MPP7: variants seen among roughly 807,000 people sequenced by gnomAD.
The protein encoded by MPP7 is MAGUK p55 scaffold protein 7, also known as MAGUK p55 subfamily member 7.
A neutral mutation model predicts 76.5 loss-of-function variants in MPP7; 60 were observed. The observed-to-expected ratio is 0.78, with a 90% confidence interval of 0.64 to 0.97. The LOEUF (loss-of-function observed/expected upper bound fraction) is 0.97. Ranked by LOEUF, MPP7 falls within the 50% of genes least tolerant of loss-of-function variation. The pLI is 0.00. For synonymous variants in MPP7, 237 were observed against 244.5 expected, an observed-to-expected ratio of 0.97 and a Z score of 0.29; for missense variants, 641 against 694.0, an observed-to-expected ratio of 0.92 and a Z score of 0.86.
chr10:28,171,004 CA>C (rs1836661723), intron 3 of MPP7, among the ~76,000 whole-genome samples: 1 of 152,170 alleles, frequency 6.6e-6, no homozygotes, highest in South Asian at 2.1e-4. Context: ...TAGCTTTATA[CA>C]ACTTTAGCAT....
intron 2 of MPP7, among the ~76,000 whole-genome samples, chr10:28,230,446 G>GA (rs1000191891): frequency 5.3e-5 from 8 of 150,470 alleles, no homozygotes; most frequent in South Asian, 4.2e-4. Context: ...AGTGCTAACA[G>GA]AAAAAAAAAG....
intron 12 of MPP7, among the ~76,000 whole-genome samples, chr10:28,076,513 A>G (rs1366381450): frequency 6.6e-6 from 1 of 151,802 alleles, no homozygotes; most frequent in East Asian, 1.9e-4. Flanking sequence ...ACGCAAACCC[A>G]ATTATATATG....
At chr10:28,301,193 C>T (rs927987452) in intron 1 of MPP7, among the ~76,000 whole-genome samples, 1 of 151,998 alleles carries the variant, frequency 6.6e-6, no homozygotes, top group African/African-American at 2.4e-5. Context: ...AAACACTTCC[C>T]GAAACAAAGT....
intron 12 of MPP7, among the ~76,000 whole-genome samples, chr10:28,087,448 T>A (rs940366687): frequency 6.6e-6 from 1 of 152,036 alleles, no homozygotes; most frequent in Non-Finnish European, 1.5e-5. Context: ...CCGGCTGGAG[T>A]ACCGTGATGC....
At chr10:28,126,958 T>C (rs1835036427) in intron 6 of MPP7, among the ~76,000 whole-genome samples, 1 of 152,064 alleles carries the variant, frequency 6.6e-6, no homozygotes, top group Admixed American at 6.5e-5. Flanking sequence ...GTAACAGTTG[T>C]GTAAATGAAG....
chr10:28,187,447 C>T (rs773117533), intron 3 of MPP7, among the ~76,000 whole-genome samples: 1 of 152,186 alleles, frequency 6.6e-6, no homozygotes, highest in African/African-American at 2.4e-5. Context: ...GGCCAAGGAG[C>T]GTTACCAGCT....
intron 3 of MPP7, among the ~76,000 whole-genome samples, chr10:28,165,067 A>G (rs866626077): frequency 6.6e-6 from 1 of 152,102 alleles, no homozygotes; most frequent in African/African-American, 2.4e-5. Context: ...ACTAATACCT[A>G]TGGCTCCAAA....
intron 1 of MPP7, among the ~76,000 whole-genome samples, chr10:28,258,385 TATA>T (rs1839852783): frequency 1.2e-5 from 1 of 86,956 alleles, no homozygotes; most frequent in Non-Finnish European, 2.0e-5. Context: ...TTAAATATTA[TATA>T]TATATATATA....
chr10:28,160,115 A>G (rs80125665), intron 3 of MPP7, among the ~76,000 whole-genome samples: 4 of 1,472 alleles, frequency 2.7e-3, no homozygotes, highest in Admixed American at 0.022. Context: ...GATCATTAGA[A>G]AAAAAAAAAA....
intron 2 of MPP7, among the ~76,000 whole-genome samples, chr10:28,205,965 T>G (rs931617868): frequency 1.3e-5 from 2 of 152,188 alleles, no homozygotes; most frequent in African/African-American, 2.4e-5. Flanking sequence ...TGAGTCAGTC[T>G]TCTTCTCCCT....
chr10:28,297,908 G>T (rs1338655905), intron 1 of MPP7, among the ~76,000 whole-genome samples: 1 of 152,150 alleles, frequency 6.6e-6, no homozygotes, highest in African/African-American at 2.4e-5. Context: ...TCTTCACCAA[G>T]AATAGACTCT....
Position 28,149,234 on chromosome 10 carries a change from A to G in MPP7, c.234+748T>C, listed in dbSNP as rs375099519. The stretch of plus-strand genomic sequence containing the variant: ...AAAAAATAAAGGAAAGAAATATTAA[A>G]AGCAACAAATAAGCTACGGGTTATC... On this transcript the variant is annotated intron_variant, in intron 4 of 16. Coordinates refer to ENST00000683449, the MANE Select transcript of MPP7 (RefSeq NM_001318170.2). Among the ~76,000 whole-genome samples the G allele has an allele frequency of 5.9e-5, 9 of 152,332 alleles. No homozygotes were observed. In the East Asian group the frequency reaches 1.7e-3, roughly 29 times the overall value.
intron 13 of MPP7, among the ~76,000 whole-genome samples, chr10:28,064,471 G>A (rs1851914420): frequency 6.6e-6 from 1 of 152,180 alleles, no homozygotes; most frequent in South Asian, 2.1e-4. Context: ...GGATTACCAA[G>A]GGCACAAGGA....
intron 3 of MPP7, among the ~76,000 whole-genome samples, chr10:28,153,835 T>C (rs1373307509): frequency 1.3e-5 from 2 of 152,192 alleles, no homozygotes; most frequent in African/African-American, 2.4e-5. Flanking sequence ...ACTAAAGCTG[T>C]AATCCTTTTA....
At chr10:28,092,365 T>A (rs1335475789) in intron 11 of MPP7, among the ~76,000 whole-genome samples, 3 of 152,120 alleles carry the variant, frequency 2.0e-5, no homozygotes, top group African/African-American at 4.8e-5. Context: ...CATGGGTGTC[T>A]TATAAGACAA....
At chr10:28,208,978 C>T (rs1320612614) in intron 2 of MPP7, among the ~76,000 whole-genome samples, 1 of 151,948 alleles carries the variant, frequency 6.6e-6, no homozygotes, top group Non-Finnish European at 1.5e-5. Flanking sequence ...TGTAGTGAGA[C>T]CTGTTTGTTT....
At chr10:28,080,133 GA>G (rs1852693354) in intron 12 of MPP7, among the ~76,000 whole-genome samples, 1 of 150,834 alleles carries the variant, frequency 6.6e-6, no homozygotes, top group Non-Finnish European at 1.5e-5. Context: ...AGAAAGAAGA[GA>G]AAAGAAAAGA....
intron 1 of MPP7, among the ~76,000 whole-genome samples, chr10:28,242,621 A>T (rs1246945049): frequency 2.6e-5 from 4 of 152,236 alleles, no homozygotes; most frequent in Admixed American, 2.6e-4. Flanking sequence ...GGGGTCCATG[A>T]AGTCAAACTA....
chr10:28,065,543 T>G (rs555792219), intron 13 of MPP7, among the ~76,000 whole-genome samples: 57 of 152,104 alleles, frequency 3.7e-4, no homozygotes, highest in Non-Finnish European at 7.4e-4. Context: ...ATGTGCATAT[T>G]ACCCACAAGG....
Sources: allele counts gnomAD v4.1 joint callset (sites outside exome capture counted in the v4.1 genomes callset), GRCh38; gene constraint gnomAD v4.1.1; transcripts MANE v1.5; gene names NCBI Gene and HGNC (gene_info 2026-07-23, HGNC 2026-07-21).